The following DAB1 variants were observed in gnomAD, a reference collection of about 807,000 sequenced individuals.
The protein encoded by DAB1 is disabled homolog 1.
A neutral mutation model predicts 64.6 loss-of-function variants in DAB1; 15 were observed. That is an observed-to-expected ratio of 0.23 (90% CI 0.16 to 0.36). The LOEUF is 0.36. DAB1 is among the 10% of genes least tolerant of loss of function. The pLI, the probability that DAB1 is intolerant of heterozygous loss-of-function variation, is 1.00. For synonymous variants in DAB1, 235 were observed against 251.9 expected (o/e 0.93, Z 0.64); for missense variants, 596 against 706.7 (o/e 0.84, Z 1.78).
At chr1:58,262,165 A>C (rs1198194611) in intron 4 of DAB1, among the ~76,000 whole-genome samples, 6 of 152,200 alleles carry the variant, frequency 3.9e-5, no homozygotes, top group Non-Finnish European at 5.9e-5. Context: ...AGTCCCCTAG[A>C]ACACTATCAG....
chr1:57,475,884 T>G (rs985347503), intron 7 of DAB1, among the ~76,000 whole-genome samples: 1 of 152,188 alleles, frequency 6.6e-6, no homozygotes, highest in Non-Finnish European at 1.5e-5. Flanking sequence ...AATGAATGCA[T>G]GAATGAATGA....
chr1:57,887,313 A>G, upstream of DAB1, among the ~76,000 whole-genome samples: 1 of 152,142 alleles, frequency 6.6e-6, no homozygotes, highest in East Asian at 1.9e-4. Flanking sequence ...TGGGGACTAT[A>G]TCTTAATCCC....
chr1:58,537,931 T>G (rs144821025), intron 1 of DAB1, among the ~76,000 whole-genome samples: 2 of 152,154 alleles, frequency 1.3e-5, no homozygotes, highest in Non-Finnish European at 2.9e-5. Context: ...GATGAGGACA[T>G]AGCAGAAATC....
intron 3 of DAB1, among the ~76,000 whole-genome samples, chr1:58,498,569 A>G (rs1009817286): frequency 2.6e-5 from 4 of 152,198 alleles, no homozygotes; most frequent in Non-Finnish European, 5.9e-5. Flanking sequence ...AAAGACAGAA[A>G]AGAAATACAA....
chr1:58,110,146 G>A (rs561363179), intron 5 of DAB1, among the ~76,000 whole-genome samples: 4 of 152,330 alleles, frequency 2.6e-5, no homozygotes, highest in South Asian at 4.1e-4. Flanking sequence ...CAGAGTCAGG[G>A]AGAATTGTGG....
intron 5 of DAB1, among the ~76,000 whole-genome samples, chr1:57,962,941 T>C (rs745887201): frequency 2.0e-5 from 3 of 152,072 alleles, no homozygotes; most frequent in Non-Finnish European, 4.4e-5. Context: ...TACTTATTTT[T>C]CCCCCAATTT....
rs146356216 is a variant in DAB1, at chr1:57,789,346, C to T, written n.551+94653G>A. Among the ~76,000 whole-genome samples the T allele has an allele frequency of 6.6e-5, 10 of 152,208 alleles. No individual in the cohort carries two copies. In the East Asian group the frequency reaches 1.9e-3, roughly 29 times the overall value. On this transcript the variant is annotated intron_variant and non_coding_transcript_variant, in intron 6 of 20. Transcript: ENST00000485760. ...AGATGGTAGGAAACAGAGGGTATGG[C>T]CCCAAATCAGCCTGTCTTAGTCAGC...
At chr1:57,818,955 AT>A (rs1651993668) in intron 6 of DAB1, among the ~76,000 whole-genome samples, 1 of 152,192 alleles carries the variant, frequency 6.6e-6, no homozygotes, top group Non-Finnish European at 1.5e-5. Flanking sequence ...CTTTAATTTT[AT>A]GAACTAACAG....
intron 2 of DAB1, among the ~76,000 whole-genome samples, chr1:57,162,678 T>C (rs2100891715): frequency 6.6e-6 from 1 of 152,332 alleles, no homozygotes; most frequent in South Asian, 2.1e-4. Flanking sequence ...GGAGTATTTT[T>C]TGTAAAGGAG....
intron 4 of DAB1, among the ~76,000 whole-genome samples, chr1:57,099,247 A>G (rs1484403466): frequency 6.6e-6 from 1 of 152,230 alleles, no homozygotes; most frequent in East Asian, 1.9e-4. Flanking sequence ...GATCTCTCCA[A>G]GCCTCAGTTT....
At chr1:57,013,202 G>A (rs1328621267) in intron 12 of DAB1, among the ~76,000 whole-genome samples, 1 of 152,178 alleles carries the variant, frequency 6.6e-6, no homozygotes, top group African/African-American at 2.4e-5. Flanking sequence ...CAGTAGCTAA[G>A]TCATCTCCAT....
chr1:58,059,080 G>A (rs1648327282), intron 5 of DAB1, among the ~76,000 whole-genome samples: 1 of 152,176 alleles, frequency 6.6e-6, no homozygotes, highest in Admixed American at 6.5e-5. Flanking sequence ...CCACCTTCTT[G>A]CTCTGCACAT....
At chr1:57,888,236 T>C (rs574587584), upstream of DAB1, among the ~76,000 whole-genome samples, 25 of 152,296 alleles carry the variant, frequency 1.6e-4, 2 homozygotes, top group South Asian at 4.6e-3. Context: ...GCCAACAGCA[T>C]ATTTGCCATC....
At chr1:58,104,605 A>G (rs1293124755) in intron 5 of DAB1, among the ~76,000 whole-genome samples, 1 of 152,202 alleles carries the variant, frequency 6.6e-6, no homozygotes, top group African/African-American at 2.4e-5. Flanking sequence ...ACTCTCAGCT[A>G]AACCCCCATT....
Position 58,117,605 on chromosome 1 carries a change from T to C in DAB1, n.387+32906A>G, listed in dbSNP as rs190884906. Among the ~76,000 whole-genome samples the C allele has an allele frequency of 3.3e-3, 501 of 152,292 alleles. 4 individuals are homozygous for C. Among genetic ancestry groups the C allele is most frequent in the Non-Finnish European group, 5.7e-3 (388 of 68,020 alleles). On this transcript the variant is annotated intron_variant and non_coding_transcript_variant, in intron 5 of 20. Transcript: ENST00000485760. ...CAGCTTTGATTCCACTGTCTTTCTGTTTCTACCGCTGTCACACAGAATCAA... is the reference window on the plus strand; with the variant it reads ...CAGCTTTGATTCCACTGTCTTTCTGCTTCTACCGCTGTCACACAGAATCAA...
chr1:57,369,640 T>C (rs925498154), intron 1 of DAB1, among the ~76,000 whole-genome samples: 5 of 152,208 alleles, frequency 3.3e-5, no homozygotes, highest in African/African-American at 1.2e-4. Context: ...TCAACAGTCT[T>C]GTACTCTCAG....
intron 6 of DAB1, among the ~76,000 whole-genome samples, chr1:57,698,670 G>C (rs1646873993): frequency 6.6e-6 from 1 of 152,058 alleles, no homozygotes; most frequent in Non-Finnish European, 1.5e-5. Flanking sequence ...AATGAACAAG[G>C]TAATAAATGA....
intron 4 of DAB1, among the ~76,000 whole-genome samples, chr1:58,161,394 C>G (rs1487532374): frequency 6.6e-6 from 1 of 152,092 alleles, no homozygotes; most frequent in Non-Finnish European, 1.5e-5. Flanking sequence ...AAGAAAAGAG[C>G]TTGGGCTTTG....
At chr1:58,017,548 T>C (rs7539068) in intron 5 of DAB1, among the ~76,000 whole-genome samples, 66,208 of 151,994 alleles carry the variant, frequency 0.44, 15,417 homozygotes, top group Non-Finnish European at 0.53. Context: ...GAGAGGATGG[T>C]TGAAGGAACA....
Sources: allele counts gnomAD v4.1 joint callset (sites outside exome capture counted in the v4.1 genomes callset), GRCh38; gene constraint gnomAD v4.1.1; transcripts MANE v1.5; gene names NCBI Gene and HGNC (gene_info 2026-07-23, HGNC 2026-07-21).